ATRNL1: variants seen among roughly 807,000 people sequenced by gnomAD.
The protein encoded by ATRNL1 is attractin like 1.
A neutral mutation model predicts 182.7 loss-of-function variants in ATRNL1; 95 were observed. The observed-to-expected ratio is 0.52, with a 90% CI of 0.44 to 0.62. ATRNL1 has a LOEUF of 0.62. ATRNL1 is among the 20% of genes least tolerant of loss of function. ATRNL1 has a pLI of 0.00. For synonymous variants in ATRNL1, 576 were observed against 568.3 expected, an observed-to-expected ratio of 1.01 and a Z score of -0.19; for missense variants, 1,471 against 1,679.5, an observed-to-expected ratio of 0.88 and a Z score of 2.17.
chr10:115,201,677 T>C (rs1554892448), intron 8 of ATRNL1, among the ~76,000 whole-genome samples: 1 of 152,144 alleles, frequency 6.6e-6, no homozygotes, highest in Non-Finnish European at 1.5e-5. Context: ...TGCCTCCAGC[T>C]TTGTTCTTTT....
intron 8 of ATRNL1, among the ~76,000 whole-genome samples, chr10:115,204,736 C>T (rs1245843292): frequency 6.6e-6 from 1 of 151,956 alleles, no homozygotes; most frequent in Non-Finnish European, 1.5e-5. Context: ...GGAATATTGG[C>T]TTTTATATAG....
intron 26 of ATRNL1, among the ~76,000 whole-genome samples, chr10:115,721,013 T>C (rs1344770774): frequency 1.3e-5 from 2 of 152,352 alleles, no homozygotes; most frequent in East Asian, 3.9e-4. Flanking sequence ...TTGAATCCAC[T>C]GAAATTGCAG....
At chr10:115,328,896 T>C (rs1185162075) in intron 18 of ATRNL1, among the ~76,000 whole-genome samples, 1 of 152,144 alleles carries the variant, frequency 6.6e-6, no homozygotes, top group African/African-American at 2.4e-5. Context: ...ATATTTTGGT[T>C]ATTGTGTGTA....
At chr10:115,367,935 G>A (rs1392708966) in intron 19 of ATRNL1, among the ~76,000 whole-genome samples, 1 of 151,184 alleles carries the variant, frequency 6.6e-6, no homozygotes, top group African/African-American at 2.4e-5. Context: ...CTGTCAGACA[G>A]GGACATTTAA....
chr10:115,137,283 A>G (rs782359100), intron 5 of ATRNL1, among the ~76,000 whole-genome samples: 4 of 152,254 alleles, frequency 2.6e-5, no homozygotes, highest in African/African-American at 7.2e-5. Context: ...ATTGGAAAGT[A>G]TGCAGAGACA....
At chr10:115,319,458 C>T (rs1446849071) in intron 18 of ATRNL1, among the ~76,000 whole-genome samples, 6 of 151,450 alleles carry the variant, frequency 4.0e-5, no homozygotes, top group Non-Finnish European at 5.9e-5. Flanking sequence ...TTTTTTGTCT[C>T]GATCTGTCTA....
At chr10:115,606,931 T>A (rs1555017765) in intron 26 of ATRNL1, among the ~76,000 whole-genome samples, 1 of 151,952 alleles carries the variant, frequency 6.6e-6, no homozygotes, top group African/African-American at 2.4e-5. Context: ...AGAGATACGC[T>A]CTCTAACTGT....
chr10:115,534,582 A>C (rs888239053), intron 25 of ATRNL1, among the ~76,000 whole-genome samples: 4 of 152,196 alleles, frequency 2.6e-5, no homozygotes, highest in African/African-American at 9.6e-5. Context: ...TGTGTCTTTT[A>C]ATTGGAGCAT....
chr10:115,477,201 A>T (rs1370865424), intron 24 of ATRNL1, among the ~76,000 whole-genome samples: 1 of 151,560 alleles, frequency 6.6e-6, no homozygotes, highest in Non-Finnish European at 1.5e-5. Flanking sequence ...CCAAAATGAA[A>T]TTTTATAGTA....
chr10:115,503,650 A>G (rs1592751989), intron 24 of ATRNL1, among the ~76,000 whole-genome samples: 2 of 144,892 alleles, frequency 1.4e-5, no homozygotes, highest in South Asian at 4.1e-4. Context: ...GACCATTACA[A>G]TTTCCCTTTA....
At chr10:115,272,922 G>T (rs1851934779) in intron 13 of ATRNL1, among the ~76,000 whole-genome samples, 1 of 152,198 alleles carries the variant, frequency 6.6e-6, no homozygotes, top group Non-Finnish European at 1.5e-5. Context: ...AGTAGAGAAA[G>T]AATTCTGTAA....
intron 22 of ATRNL1, among the ~76,000 whole-genome samples, chr10:115,462,989 A>G (rs983801465): frequency 2.6e-5 from 4 of 151,828 alleles, no homozygotes; most frequent in African/African-American, 9.7e-5. Flanking sequence ...TTCTTTTAAA[A>G]CTAACACTCA....
chr10:115,256,413 GT>G lies in ATRNL1; in HGVS notation c.1688-8777del, dbSNP rs1435143639. On this transcript the variant is annotated intron_variant, in intron 10 of 28. Transcript: ENST00000355044. ...TTATCCATTTCTTTTAGATTTTCTA[GT>G]TTATTTGCATAGAGGTGTTTATAGT... Among the ~76,000 whole-genome samples the G allele has an allele frequency of 7.2e-5, 11 of 152,220 alleles. No individual in the cohort carries two copies. In the East Asian group the frequency reaches 2.1e-3, roughly 29 times the overall value.
At chr10:115,331,204 C>T (rs1369597257) in intron 18 of ATRNL1, among the ~76,000 whole-genome samples, 7 of 152,004 alleles carry the variant, frequency 4.6e-5, no homozygotes, top group African/African-American at 9.7e-5. Flanking sequence ...GGACTACAGG[C>T]GCCCGCCACC....
At chr10:115,237,326 G>A (rs1165510343) in intron 9 of ATRNL1, among the ~76,000 whole-genome samples, 4 of 152,162 alleles carry the variant, frequency 2.6e-5, no homozygotes, top group African/African-American at 4.8e-5. Flanking sequence ...TGCCAAAGTG[G>A]CTGGCTGTAT....
intron 28 of ATRNL1, among the ~76,000 whole-genome samples, chr10:115,905,283 C>T (rs1952467808): frequency 6.6e-6 from 1 of 151,988 alleles, no homozygotes; most frequent in Non-Finnish European, 1.5e-5. Flanking sequence ...TACAGTGGTG[C>T]AATCATGGCT....
At chr10:115,928,192 A>G (rs1953291447) in intron 28 of ATRNL1, among the ~76,000 whole-genome samples, 1 of 152,058 alleles carries the variant, frequency 6.6e-6, no homozygotes, top group African/African-American at 2.4e-5. Context: ...CTTTGTGAGA[A>G]AGAGTAAAGA....
chr10:115,202,911 C>T (rs1426657147), intron 8 of ATRNL1, among the ~76,000 whole-genome samples: 1 of 149,770 alleles, frequency 6.7e-6, no homozygotes, highest in Non-Finnish European at 1.5e-5. Context: ...AATTTCAGAG[C>T]CTGTTATTGG....
intron 1 of ATRNL1, among the ~76,000 whole-genome samples, chr10:115,116,517 GAAGAACAGTTCTAGACTGTAAA>G (rs1844491697): frequency 6.6e-6 from 1 of 152,060 alleles, no homozygotes; most frequent in Non-Finnish European, 1.5e-5. Context: ...CTGAATTTTA[GAAGAACAGTTCTAGACTGTAAA>G]GAGGTCCAAA....
Sources: allele counts gnomAD v4.1 joint callset (sites outside exome capture counted in the v4.1 genomes callset), GRCh38; gene constraint gnomAD v4.1.1; transcripts MANE v1.5; gene names NCBI Gene and HGNC (gene_info 2026-07-23, HGNC 2026-07-21).